CCDC88C: variants seen among roughly 807,000 people sequenced by gnomAD.
CCDC88C encodes the protein protein Daple.
In CCDC88C, 131 loss-of-function variants were observed where a neutral mutation model predicts 198.8. The ratio of observed to expected loss-of-function variants is 0.66; its 90% CI spans 0.57 to 0.76. The LOEUF (loss-of-function observed/expected upper bound fraction) is 0.76, where lower values mean the gene tolerates loss of function less well. CCDC88C is among the 30% of genes least tolerant of loss of function. The pLI is 0.00. For synonymous variants in CCDC88C, 1,166 were observed against 1,114.7 expected (o/e 1.05, Z -0.92); for missense variants, 2,553 against 2,631.6 (o/e 0.97, Z 0.65).
At chr14:91,413,390 T>C (rs920430745) in intron 2 of CCDC88C, among the ~76,000 whole-genome samples, 7 of 152,192 alleles carry the variant, frequency 4.6e-5, no homozygotes, top group Non-Finnish European at 1.0e-4. Flanking sequence ...TTGCCCAACA[T>C]AATAACACTA....
chr14:91,416,821 C>A lies in CCDC88C; in HGVS notation c.78G>T (p.Pro26=), dbSNP rs373089520. ...GGTTGTCCTGGCTGCCGCTTCCAAA[C>A]GGGCCAAAAGTTTTCACCTGCGGGG... ...PLVTWVKTFG[P]FGSGSQDNLT... is the part of the protein sequence containing the mutation. The change falls in exon 2 of 30, where the codon CCG becomes CCT. Residue 26 remains proline, a synonymous_variant. Coordinates refer to ENST00000389857, the MANE Select transcript of CCDC88C (RefSeq NM_001080414.4). The A allele has an allele frequency of 3.1e-6, 5 of 1,613,220 alleles. No individual in the cohort carries two copies. The Admixed American group carries it at 6.7e-5, about 22-fold the overall frequency.
At chr14:91,409,701 T>C (rs549580886) in intron 2 of CCDC88C, among the ~76,000 whole-genome samples, 16 of 151,734 alleles carry the variant, frequency 1.1e-4, no homozygotes, top group African/African-American at 3.4e-4. Context: ...TTGGCCAGGC[T>C]GGTCTCGAAC....
chr14:91,392,648 C>G (rs1388604643), intron 3 of CCDC88C, among the ~76,000 whole-genome samples: 2 of 152,134 alleles, frequency 1.3e-5, no homozygotes, highest in Non-Finnish European at 2.9e-5. Flanking sequence ...CAGCCCAGCC[C>G]GAGGACCTGG....
intron 25 of CCDC88C, chr14:91,285,746 A>G: frequency 1.6e-6 from 2 of 1,289,074 alleles, no homozygotes; most frequent in Non-Finnish European, 2.0e-6. Context: ...CCAGAACCGC[A>G]GGCGTTTAGA....
chr14:91,321,639 G>A (rs879723220), intron 12 of CCDC88C, among the ~76,000 whole-genome samples: 50 of 152,188 alleles, frequency 3.3e-4, no homozygotes, highest in Admixed American at 2.9e-3. Context: ...GATTTTAGAG[G>A]CTAACAGAGA....
intron 2 of CCDC88C, 27 bp from the exon 3 acceptor site, chr14:91,408,794 A>G: frequency 6.7e-7 from 1 of 1,483,544 alleles, no homozygotes; most frequent in Non-Finnish European, 9.4e-7. Context: ...GAGAATGGAA[A>G]TTGCATCTCC....
chr14:91,273,269 C>T lies in CCDC88C; in HGVS notation c.5443G>A (p.Ala1815Thr). ...FSLASADLLRASGPEACKQES... is the reference protein window; with the variant it reads ...FSLASADLLRTSGPEACKQES... Reference sequence around the variant, plus strand: ...TGTTTGCAGGCCTCTGGCCCGCTGGCCCGGAGAAGGTCAGCTGAGGCCAGG... The same window carrying T: ...TGTTTGCAGGCCTCTGGCCCGCTGGTCCGGAGAAGGTCAGCTGAGGCCAGG... Residue 1815 changes from alanine to threonine, a missense_variant, in exon 30 of 30, where the codon GCC becomes ACC. Coordinates refer to ENST00000389857, the MANE Select transcript of CCDC88C (RefSeq NM_001080414.4). The surrounding 1 kb of genome is among the most constrained non-coding windows in gnomAD (Gnocchi z 5.6). 6.4e-7 allele frequency: 1 copy of T among 1,559,140 alleles called. No individual in the cohort carries two copies. The highest frequency in any genetic ancestry group is 8.7e-7 in the Non-Finnish European group (1 of 1,151,376).
At chr14:91,357,195 T>C (rs1215297320) in intron 4 of CCDC88C, among the ~76,000 whole-genome samples, 2 of 152,174 alleles carry the variant, frequency 1.3e-5, no homozygotes, top group Admixed American at 6.5e-5. Flanking sequence ...TCTCTCCCTA[T>C]AAACGGAAAT....
chr14:91,395,609 G>T (rs1885794196), intron 3 of CCDC88C, among the ~76,000 whole-genome samples: 1 of 152,030 alleles, frequency 6.6e-6, no homozygotes, highest in Non-Finnish European at 1.5e-5. Flanking sequence ...CACAGAGCTG[G>T]CTCACCCACT....
At chr14:91,322,962 G>A (rs1892421987) in intron 12 of CCDC88C, among the ~76,000 whole-genome samples, 2 of 145,392 alleles carry the variant, frequency 1.4e-5, no homozygotes. Context: ...CTGGAGTGCA[G>A]TGGTGTGATC....
rs573489217 is a variant in CCDC88C at position 91,311,874 on chromosome 14, A to G, written c.2736+1206T>C. On this transcript the variant is annotated intron_variant, in intron 15 of 29. Transcript: ENST00000389857. ...TATACCCTAAAAAATAGTTTGATTC[A>G]TGAAGGTCTATGTATACAAGGATGT... 2.0e-5 allele frequency among the ~76,000 whole-genome samples: 3 copies of G among 152,190 alleles called. No homozygotes were observed. In the East Asian group the frequency reaches 5.8e-4, roughly 29 times the overall value.
chr14:91,366,347 A>C (rs1894538737), intron 3 of CCDC88C, among the ~76,000 whole-genome samples: 1 of 152,162 alleles, frequency 6.6e-6, no homozygotes, highest in Non-Finnish European at 1.5e-5. Context: ...CTAGCCAGGC[A>C]CAGTGGCATG....
chr14:91,285,727 G>A lies in CCDC88C; in HGVS notation c.4442-2210C>T, dbSNP rs572002835. 80 of 1,288,994 alleles carry A rather than the reference G, an allele frequency of 6.2e-5. No homozygotes were observed. The African/African-American group carries it at 1.1e-3, about 18-fold the overall frequency. 79.8% of individuals were successfully genotyped at this position (1,288,994 alleles called of 1,614,324 possible). ...GCTCGTTAGGAGAGGATGGGATGTC[G>A]GAGGAAGACCAGAACCGCAGGCGTT... On this transcript the variant is annotated intron_variant, in intron 25 of 29. Coordinates refer to ENST00000389857, the MANE Select transcript of CCDC88C (RefSeq NM_001080414.4).
intron 3 of CCDC88C, among the ~76,000 whole-genome samples, chr14:91,394,802 C>T (rs187263716): frequency 6.6e-6 from 1 of 152,216 alleles, no homozygotes; most frequent in Non-Finnish European, 1.5e-5. Context: ...GGGCTAGAGA[C>T]AGGCACACGT....
At chr14:91,405,753 T>C (rs892872811) in intron 3 of CCDC88C, among the ~76,000 whole-genome samples, 2 of 152,084 alleles carry the variant, frequency 1.3e-5, no homozygotes, top group African/African-American at 2.4e-5. Flanking sequence ...ATGACCTATA[T>C]AACAAAAACT....
At chr14:91,392,323 C>T (rs1885554989) in intron 3 of CCDC88C, among the ~76,000 whole-genome samples, 2 of 152,166 alleles carry the variant, frequency 1.3e-5, no homozygotes, top group Admixed American at 6.5e-5. Flanking sequence ...CAACAAAAAT[C>T]CCTATCCAGG....
rs527981839 is a variant in CCDC88C, at chr14:91,286,089, A to G, written c.4442-2572T>C. Among the ~76,000 whole-genome samples the G allele has an allele frequency of 3.3e-5, 5 of 152,290 alleles. No individual in the cohort carries two copies. The South Asian group carries it at 1.0e-3, about 32-fold the overall frequency. The stretch of plus-strand genomic sequence containing the variant: ...CAACAATTTATTTCCTCAGCGTGTG[A>G]GGAGAATTACATACTGCCCAAGGAG... On this transcript the variant is annotated intron_variant, in intron 25 of 29. Coordinates refer to ENST00000389857, the MANE Select transcript of CCDC88C (RefSeq NM_001080414.4).
At chr14:91,308,967 C>T (rs1379840594) in intron 16 of CCDC88C, among the ~76,000 whole-genome samples, 3 of 152,202 alleles carry the variant, frequency 2.0e-5, no homozygotes, top group African/African-American at 7.2e-5. Flanking sequence ...TGGCTCATGC[C>T]TGTAATCCCG....
In CCDC88C at chr14:91,303,807, G is replaced by T; in HGVS notation, c.3529C>A (p.Leu1177Met). 1 of 1,613,416 alleles carries T rather than the reference G, an allele frequency of 6.2e-7. No homozygotes were observed. Among genetic ancestry groups the T allele is most frequent in the Non-Finnish European group, 8.5e-7 (1 of 1,179,902 alleles). Reference protein sequence around the residue: ...LLQDHEHLGTLHERQSAEYEA... With the variant: ...LLQDHEHLGTMHERQSAEYEA... ...TACTCGGCCGATTGCCGCTCGTGCA[G>T]CGTGCCCAGGTGCTCGTGGTCCTGC... is the stretch of plus-strand genomic sequence containing the variant. The change falls in exon 20 of 30, where the codon CTG becomes ATG. Residue 1177 changes from leucine to methionine, a missense_variant. Leu to Met is a conservative substitution (Grantham distance 15, BLOSUM62 2). This residue lies in a region of CCDC88C where 1,293 missense variants were observed against 1,219.6 expected (regional missense o/e 1.06). Transcript: ENST00000389857.
Sources: allele counts gnomAD v4.1 joint callset (sites outside exome capture counted in the v4.1 genomes callset), GRCh38; gene constraint gnomAD v4.1.1; regional missense constraint gnomAD v4.1.1; non-coding constraint Gnocchi (gnomAD v3.1); transcripts MANE v1.5; gene names NCBI Gene and HGNC (gene_info 2026-07-23, HGNC 2026-07-21).